Variants in HHAT observed in about 807,000 individuals in gnomAD.
HHAT encodes protein-cysteine N-palmitoyltransferase HHAT.
A neutral mutation model predicts 70.8 loss-of-function variants in HHAT; 47 were observed. That is an observed-to-expected ratio of 0.66 (90% CI 0.53 to 0.85). HHAT has a LOEUF of 0.85. HHAT is among the 40% of genes least tolerant of loss of function. The pLI, the probability that HHAT is intolerant of heterozygous loss-of-function variation, is 0.00. For missense variants in HHAT, 609 were observed against 604.8 expected (o/e 1.01, Z -0.07); for synonymous variants, 228 against 247.6 (o/e 0.92, Z 0.74).
rs750203730 is a variant in HHAT, at chr1:210,404,668, T to G, written c.673T>G (p.Phe225Val). The G allele has an allele frequency of 6.2e-7, 1 of 1,613,506 alleles. No individual in the cohort carries two copies. The highest frequency in any genetic ancestry group is 1.1e-5 in the South Asian group (1 of 91,060). The change falls in exon 6 of 12, where the codon TTC (phenylalanine) becomes GTC (valine). Residue 225 changes from phenylalanine to valine, a missense_variant. Phe to Val is a conservative substitution (Grantham distance 50, BLOSUM62 -1). Transcript: ENST00000261458. ...TGGGCCCATCCTCAGCTTCTCGGAG[T>G]TCATCAAACAGGTAGAGCCCGCTGG... is the stretch of plus-strand genomic sequence containing the variant. ...HNGPILSFSE[F>V]IKQMQQQEHD...
chr1:210,371,162 A>AT (rs1211887391), intron 3 of HHAT, among the ~76,000 whole-genome samples: 2 of 151,484 alleles, frequency 1.3e-5, no homozygotes, highest in African/African-American at 4.9e-5. Flanking sequence ...TTTCTTATTT[A>AT]TTTTTTTGAG....
At chr1:210,419,644 AT>A (rs1272100691) in intron 7 of HHAT, among the ~76,000 whole-genome samples, 1 of 152,198 alleles carries the variant, frequency 6.6e-6, no homozygotes, top group Non-Finnish European at 1.5e-5. Context: ...ACAAATCTTG[AT>A]TGTTCTTGGT....
At chr1:210,407,831 G>A (rs2092392967) in intron 6 of HHAT, among the ~76,000 whole-genome samples, 1 of 152,170 alleles carries the variant, frequency 6.6e-6, no homozygotes, top group South Asian at 2.1e-4. Flanking sequence ...GTCTTGAAGA[G>A]GTTGACTGGT....
chr1:210,628,311 T>C (rs1670217148), intron 11 of HHAT, among the ~76,000 whole-genome samples: 1 of 151,636 alleles, frequency 6.6e-6, no homozygotes. Context: ...AGGGAAGCCA[T>C]GGACTTTGTT....
chr1:210,353,716 C>G (rs2087302552), intron 2 of HHAT, among the ~76,000 whole-genome samples: 1 of 152,030 alleles, frequency 6.6e-6, no homozygotes, highest in African/African-American at 2.4e-5. Flanking sequence ...ACTTCTCCCT[C>G]CCTTCTATTT....
chr1:210,353,475 G>A (rs1321886468), intron 2 of HHAT, among the ~76,000 whole-genome samples: 2 of 149,242 alleles, frequency 1.3e-5, no homozygotes, highest in African/African-American at 4.9e-5. Flanking sequence ...ACCTGGGAGG[G>A]GAAGTCTTTG....
At chr1:210,461,519 C>G (rs1224484101) in intron 7 of HHAT, among the ~76,000 whole-genome samples, 1 of 152,052 alleles carries the variant, frequency 6.6e-6, no homozygotes, top group East Asian at 1.9e-4. Context: ...CCAGGATGGT[C>G]TCGATCTCCT....
intron 11 of HHAT, among the ~76,000 whole-genome samples, chr1:210,629,577 A>G (rs996336194): frequency 1.3e-5 from 2 of 152,256 alleles, no homozygotes; most frequent in African/African-American, 4.8e-5. Context: ...TCCGAGGACC[A>G]GAAGTTTGAA....
chr1:210,417,180 G>C (rs2092747272), intron 6 of HHAT, among the ~76,000 whole-genome samples: 2 of 152,188 alleles, frequency 1.3e-5, no homozygotes, highest in Admixed American at 6.5e-5. Flanking sequence ...AGTTTATGGA[G>C]TGAAACTCAA....
chr1:210,441,897 T>G (rs1162268186), intron 7 of HHAT, among the ~76,000 whole-genome samples: 1 of 151,878 alleles, frequency 6.6e-6, no homozygotes, highest in Non-Finnish European at 1.5e-5. Context: ...ATGTGCACAT[T>G]GTGCAGGTTA....
Position 210,471,527 on chromosome 1 carries a change from G to C in HHAT, c.1007+6872G>C, listed in dbSNP as rs189627755. ...TGGGGGTAGGATTTTTCTGAGGGGG[G>C]TGCTGAAAGGAGATATCCTAATGCC... On this transcript the variant is annotated intron_variant, in intron 8 of 11. Coordinates refer to ENST00000261458, the MANE Select transcript of HHAT (RefSeq NM_018194.6). 1.4e-4 allele frequency among the ~76,000 whole-genome samples: 21 copies of C among 152,012 alleles called. No individual in the cohort carries two copies. In the South Asian group the frequency reaches 4.4e-3, roughly 32 times the overall value.
At chr1:210,364,565 T>C (rs1457902222) in intron 3 of HHAT, among the ~76,000 whole-genome samples, 1 of 152,234 alleles carries the variant, frequency 6.6e-6, no homozygotes, top group Non-Finnish European at 1.5e-5. Context: ...CGTGAGAAAG[T>C]GAACACAGGG....
At chr1:210,459,763 T>C (rs1170255348) in intron 7 of HHAT, among the ~76,000 whole-genome samples, 1 of 152,234 alleles carries the variant, frequency 6.6e-6, no homozygotes, top group Non-Finnish European at 1.5e-5. Context: ...GCATTTATTG[T>C]CCTCTGTCCC....
In HHAT at chr1:210,433,734, T is replaced by G. The variant is rs552763182; in HGVS notation, c.856+15409T>G. Among the ~76,000 whole-genome samples the G allele has an allele frequency of 2.0e-4, 30 of 152,096 alleles. 1 individual carries two copies. In the South Asian group the frequency reaches 6.2e-3, roughly 31 times the overall value. ...ACTAAAATTTTCTTCCCATTTATTTTTCTCTCTTTTCAGGGTGATGTTGAT... is the reference window on the plus strand; with the variant it reads ...ACTAAAATTTTCTTCCCATTTATTTGTCTCTCTTTTCAGGGTGATGTTGAT... On this transcript the variant is annotated intron_variant, in intron 7 of 11. Coordinates refer to ENST00000261458, the MANE Select transcript of HHAT (RefSeq NM_018194.6).
intron 3 of HHAT, among the ~76,000 whole-genome samples, chr1:210,364,998 A>G (rs189513600): frequency 2.1e-3 from 326 of 152,106 alleles, no homozygotes; most frequent in African/African-American, 7.4e-3. Flanking sequence ...TCTACTTCTC[A>G]TCACCTTGCA....
In HHAT at chr1:210,505,922, C is replaced by T. The variant is rs148907199; in HGVS notation, c.1008-7231C>T. 6.4e-3 allele frequency among the ~76,000 whole-genome samples: 981 copies of T among 152,276 alleles called. 8 individuals carry two copies. Among genetic ancestry groups the T allele is most frequent in the Non-Finnish European group, 6.9e-3 (469 of 68,028 alleles). ...TTGCTGTTTTTATCCCTAGCTTCCA[C>T]CCAGCCGAGATTAGTCTGGGAGGAA... On this transcript the variant is annotated intron_variant, in intron 8 of 11. Transcript: ENST00000261458.
At chr1:210,517,115 A>G (rs2095070033) in intron 9 of HHAT, among the ~76,000 whole-genome samples, 1 of 152,212 alleles carries the variant, frequency 6.6e-6, no homozygotes, top group Non-Finnish European at 1.5e-5. Flanking sequence ...CTTAAATGTG[A>G]CACCGCACAA....
intron 10 of HHAT, among the ~76,000 whole-genome samples, chr1:210,613,080 A>G (rs1666921491): frequency 6.6e-6 from 1 of 151,576 alleles, no homozygotes; most frequent in Non-Finnish European, 1.5e-5. Flanking sequence ...TTACTCTGTT[A>G]ATAGTATCAT....
intron 2 of HHAT, among the ~76,000 whole-genome samples, chr1:210,353,628 C>G (rs1389661851): frequency 6.6e-6 from 1 of 151,888 alleles, no homozygotes; most frequent in Non-Finnish European, 1.5e-5. Context: ...GTTCTTAACT[C>G]TTACTTAAAA....
Sources: gnomAD v4.1 joint callset for allele counts (sites outside exome capture counted in the v4.1 genomes callset) on GRCh38, gnomAD v4.1.1 for gene constraint, MANE v1.5 for transcripts, NCBI Gene and HGNC (gene_info 2026-07-23, HGNC 2026-07-21) for gene names.